Variants in ANKRD31 observed in about 807,000 individuals in gnomAD.
ANKRD31 encodes ankyrin repeat domain 31.
In ANKRD31, 147 loss-of-function variants were observed where a neutral mutation model predicts 186.0. That is an observed-to-expected ratio of 0.79 (90% CI 0.69 to 0.91). The LOEUF (loss-of-function observed/expected upper bound fraction) is 0.91. Among genes scored for constraint, ANKRD31 ranks in the 40% least tolerant of loss-of-function variants. The probability of loss-of-function intolerance (pLI) is 0.00; values close to 1 mark genes in which losing one functional copy is unlikely to be tolerated. For missense variants in ANKRD31, 1,986 were observed against 2,148.8 expected (o/e 0.92, Z 1.50); for synonymous variants, 673 against 736.4 (o/e 0.91, Z 1.39).
At chr5:75,133,558 T>G (rs1363473599) in intron 17 of ANKRD31, among the ~76,000 whole-genome samples, 1 of 152,060 alleles carries the variant, frequency 6.6e-6, no homozygotes, top group Non-Finnish European at 1.5e-5. Flanking sequence ...TCCCACACAA[T>G]AATAATGGCA....
chr5:75,169,176 T>G, intron 10 of ANKRD31, 55 bp from the exon 11 acceptor site: 1 of 1,501,884 alleles, frequency 6.7e-7, no homozygotes, highest in African/African-American at 1.4e-5. Context: ...AATAATGTTT[T>G]GTGCTTGCCC....
chr5:75,197,468 G>A (rs1019835368), intron 6 of ANKRD31, among the ~76,000 whole-genome samples: 6 of 152,276 alleles, frequency 3.9e-5, no homozygotes, highest in Admixed American at 6.5e-5. Flanking sequence ...AGTGAGAGAA[G>A]CAAAACCACT....
At chr5:75,219,494 C>G (rs1554094817) in intron 3 of ANKRD31, among the ~76,000 whole-genome samples, 1 of 152,100 alleles carries the variant, frequency 6.6e-6, no homozygotes, top group Non-Finnish European at 1.5e-5. Context: ...AATTATAAAA[C>G]ACTGCTCAAA....
chr5:75,088,244 G>T (rs942355934), intron 23 of ANKRD31, among the ~76,000 whole-genome samples: 1 of 152,124 alleles, frequency 6.6e-6, no homozygotes, highest in Non-Finnish European at 1.5e-5. Context: ...GTATGTGTGG[G>T]GGGTGAGGGG....
At chr5:75,168,088 C>T (rs1753049880) in intron 11 of ANKRD31, among the ~76,000 whole-genome samples, 1 of 151,892 alleles carries the variant, frequency 6.6e-6, no homozygotes, top group African/African-American at 2.4e-5. Flanking sequence ...ATCAAACAAG[C>T]AAACAAACAA....
At chr5:75,180,948 C>G (rs1273051795) in intron 10 of ANKRD31, among the ~76,000 whole-genome samples, 2 of 151,610 alleles carry the variant, frequency 1.3e-5, no homozygotes, top group Non-Finnish European at 2.9e-5. Flanking sequence ...AACAGGCAAC[C>G]TACAAAATGG....
intron 17 of ANKRD31, among the ~76,000 whole-genome samples, chr5:75,131,209 C>A (rs1455504639): frequency 6.6e-6 from 1 of 152,224 alleles, no homozygotes; most frequent in Non-Finnish European, 1.5e-5. Flanking sequence ...GCTCTGCCAA[C>A]CCCAGAAAGG....
chr5:75,189,101 A>G (rs1190519442), intron 9 of ANKRD31, among the ~76,000 whole-genome samples: 1 of 152,162 alleles, frequency 6.6e-6, no homozygotes, highest in Non-Finnish European at 1.5e-5. Context: ...AGATACAAAA[A>G]CTAATCCCAG....
chr5:75,078,083 T>C (rs2150008046), intron 25 of ANKRD31, among the ~76,000 whole-genome samples: 1 of 152,218 alleles, frequency 6.6e-6, no homozygotes, highest in Non-Finnish European at 1.5e-5. Flanking sequence ...TTATCTACCT[T>C]ATGAGTTAGG....
intron 12 of ANKRD31, among the ~76,000 whole-genome samples, chr5:75,151,728 A>G (rs1751853299): frequency 6.6e-6 from 1 of 152,050 alleles, no homozygotes; most frequent in Non-Finnish European, 1.5e-5. Context: ...GATCTTTTCT[A>G]ATAGACTTAT....
chr5:75,157,227 A>G (rs1005468544), intron 11 of ANKRD31, among the ~76,000 whole-genome samples: 1 of 152,132 alleles, frequency 6.6e-6, no homozygotes, highest in Admixed American at 6.6e-5. Context: ...GGAAATATAG[A>G]ACAAGTTTTT....
intron 17 of ANKRD31, among the ~76,000 whole-genome samples, chr5:75,123,701 G>T (rs190801403): frequency 6.6e-6 from 1 of 152,180 alleles, no homozygotes; most frequent in African/African-American, 2.4e-5. Flanking sequence ...CTGGGAAAAA[G>T]ATATCTTTTT....
chr5:75,235,241 CTTTTTT>C lies in ANKRD31; in HGVS notation c.104+1336_104+1341del, dbSNP rs35626841. 1.5e-4 allele frequency among the ~76,000 whole-genome samples: 15 copies of C among 99,890 alleles called. No homozygotes were observed. The East Asian group carries it at 3.7e-3, about 25-fold the overall frequency. The allele number at this position is 99,890 out of a possible 152,430, so 65.5% of individuals were successfully genotyped here. ...AGTTCAACAGAAAGTCTTGCTGGTACTTTTTTTTTTTTTTTTTTTTTTGAGATAGAG... is the reference window on the plus strand; with the variant it reads ...AGTTCAACAGAAAGTCTTGCTGGTACTTTTTTTTTTTTTTTTGAGATAGAG... On this transcript the variant is annotated intron_variant, in intron 1 of 25. Coordinates refer to ENST00000506364, the MANE Select transcript of ANKRD31 (RefSeq NM_001372053.1).
At chr5:75,185,158 G>C (rs1377027030) in intron 10 of ANKRD31, among the ~76,000 whole-genome samples, 7 of 152,168 alleles carry the variant, frequency 4.6e-5, no homozygotes, top group African/African-American at 1.4e-4. Flanking sequence ...AATCTAAAAA[G>C]TTGATCCTAA....
intron 20 of ANKRD31, among the ~76,000 whole-genome samples, chr5:75,112,141 A>G (rs924431135): frequency 1.3e-5 from 2 of 152,118 alleles, no homozygotes; most frequent in Non-Finnish European, 2.9e-5. Flanking sequence ...CCCAGGCTAG[A>G]GTGCAGTGGC....
intron 19 of ANKRD31, among the ~76,000 whole-genome samples, chr5:75,115,709 A>T (rs1339078286): frequency 6.6e-6 from 1 of 152,060 alleles, no homozygotes; most frequent in Non-Finnish European, 1.5e-5. Context: ...CCACAATGAG[A>T]TACCATCTCA....
At chr5:75,149,745 G>A (rs548509386) in intron 12 of ANKRD31, among the ~76,000 whole-genome samples, 10 of 151,800 alleles carry the variant, frequency 6.6e-5, no homozygotes, top group Non-Finnish European at 1.3e-4. Context: ...CATGTAAAGT[G>A]TTTACATGAA....
chr5:75,079,677 T>C (rs6866810), intron 25 of ANKRD31, among the ~76,000 whole-genome samples: 9,295 of 152,190 alleles, frequency 0.061, 681 homozygotes, highest in African/African-American at 0.17. Context: ...GGTTTCATCA[T>C]GTTGGCCAGG....
chr5:75,200,197 G>A (rs1041515048), intron 5 of ANKRD31, among the ~76,000 whole-genome samples: 2 of 151,976 alleles, frequency 1.3e-5, no homozygotes, highest in Non-Finnish European at 2.9e-5. Context: ...TGCCCCCTCT[G>A]AGCCAAGCTG....
Sources: allele counts gnomAD v4.1 joint callset (sites outside exome capture counted in the v4.1 genomes callset), GRCh38; gene constraint gnomAD v4.1.1; transcripts MANE v1.5; gene names NCBI Gene and HGNC (gene_info 2026-07-23, HGNC 2026-07-21).